CLNK: variants seen among roughly 807,000 people sequenced by gnomAD.
CLNK encodes the protein cytokine dependent hematopoietic cell linker, also known as cytokine-dependent hematopoietic cell linker.
Under a neutral mutation model 68.6 loss-of-function variants are expected in CLNK, and 74 were observed. That is an observed-to-expected ratio of 1.08 (90% confidence interval 0.89 to 1.31). CLNK has a LOEUF of 1.31. CLNK is among the 50% of genes most tolerant of loss of function. CLNK has a pLI of 0.00. For synonymous variants in CLNK, 198 were observed against 172.2 expected, an observed-to-expected ratio of 1.15 and a Z score of -1.17; for missense variants, 553 against 515.3, an observed-to-expected ratio of 1.07 and a Z score of -0.71.
At chr4:10,686,319 G>C (rs958648631), upstream of CLNK, among the ~76,000 whole-genome samples, 9 of 152,002 alleles carry the variant, frequency 5.9e-5, no homozygotes, top group African/African-American at 2.2e-4. Context: ...ATGTCAGAAG[G>C]CATTCCAAGG....
chr4:10,557,509 T>C (rs1719725261), intron 8 of CLNK, among the ~76,000 whole-genome samples: 1 of 152,196 alleles, frequency 6.6e-6, no homozygotes, highest in Non-Finnish European at 1.5e-5. Context: ...GTGCTCCTTG[T>C]AGTTTTCAGT....
At chr4:10,505,245 A>C (rs1465591280) in intron 17 of CLNK, among the ~76,000 whole-genome samples, 3 of 152,032 alleles carry the variant, frequency 2.0e-5, no homozygotes, top group Non-Finnish European at 2.9e-5. Flanking sequence ...TCAGCCAACC[A>C]CCCACGGCTC....
At chr4:10,610,926 G>A (rs1363767970) in intron 2 of CLNK, among the ~76,000 whole-genome samples, 1 of 152,192 alleles carries the variant, frequency 6.6e-6, no homozygotes, top group Non-Finnish European at 1.5e-5. Flanking sequence ...GTTCACGTCT[G>A]TAATCCCAGC....
intron 7 of CLNK, among the ~76,000 whole-genome samples, chr4:10,561,956 G>A (rs538670527): frequency 6.6e-6 from 1 of 152,112 alleles, no homozygotes; most frequent in Non-Finnish European, 1.5e-5. Context: ...TCTTACAAAG[G>A]CACCATGGTA....
Position 10,621,486 on chromosome 4 carries a change from G to C in CLNK, c.12-23437C>G, listed in dbSNP as rs540320596. 1.2e-4 allele frequency among the ~76,000 whole-genome samples: 18 copies of C among 152,286 alleles called. No individual in the cohort carries two copies. In the South Asian group the frequency reaches 3.5e-3, roughly 30 times the overall value. ...CCAGTGGGTGTCCTTTGAGTCAAGAGCATGATCTTCAATAGACTTGGGGCC... is the reference window on the plus strand; with the variant it reads ...CCAGTGGGTGTCCTTTGAGTCAAGACCATGATCTTCAATAGACTTGGGGCC... On this transcript the variant is annotated intron_variant, in intron 2 of 18. Coordinates refer to ENST00000226951, the MANE Select transcript of CLNK (RefSeq NM_052964.4).
At chr4:10,660,088 T>G (rs796461171) in intron 2 of CLNK, among the ~76,000 whole-genome samples, 1 of 152,362 alleles carries the variant, frequency 6.6e-6, no homozygotes, top group East Asian at 1.9e-4. Flanking sequence ...AATCAAATAC[T>G]ATTCTGTTAT....
intron 1 of CLNK, among the ~76,000 whole-genome samples, chr4:10,677,445 A>G (rs569589455): frequency 4.6e-5 from 7 of 152,280 alleles, no homozygotes; most frequent in African/African-American, 1.7e-4. Context: ...ACAAGACTGG[A>G]AAAGAGTAAT....
At chr4:10,640,916 C>A (rs1041995492) in intron 2 of CLNK, among the ~76,000 whole-genome samples, 7 of 152,222 alleles carry the variant, frequency 4.6e-5, no homozygotes, top group Non-Finnish European at 2.9e-5. Flanking sequence ...AGAGGCAGAC[C>A]TTTGCTATAG....
At chr4:10,536,333 G>A (rs1285978864) in intron 11 of CLNK, among the ~76,000 whole-genome samples, 3 of 152,192 alleles carry the variant, frequency 2.0e-5, no homozygotes, top group Non-Finnish European at 4.4e-5. Context: ...TGTTCCTTCT[G>A]TTTTCAGAGC....
At chr4:10,543,693 A>G (rs79680259) in intron 8 of CLNK, among the ~76,000 whole-genome samples, 2,293 of 152,374 alleles carry the variant, frequency 0.015, 56 homozygotes, top group East Asian at 0.047. Context: ...TGGTCTGTAT[A>G]ATTTTAATGG....
At chr4:10,725,204 C>T in the CLNK span, among the ~76,000 whole-genome samples, 32 of 149,456 alleles carry the variant, frequency 2.1e-4, no homozygotes, top group African/African-American at 7.9e-4. Context: ...TGAGATGTGC[C>T]TTTAAAAGGT....
At chr4:10,709,919 G>A in the CLNK span, among the ~76,000 whole-genome samples, 1 of 152,048 alleles carries the variant, frequency 6.6e-6, no homozygotes. Flanking sequence ...GATGCAGGAG[G>A]GATCCCAGCT....
intron 11 of CLNK, among the ~76,000 whole-genome samples, chr4:10,532,692 G>A (rs1356308329): frequency 6.6e-6 from 1 of 152,166 alleles, no homozygotes; most frequent in Non-Finnish European, 1.5e-5. Context: ...AAGCTGTCAG[G>A]TGCAGTGGGG....
chr4:10,564,426 G>A (rs141060692), intron 7 of CLNK, among the ~76,000 whole-genome samples: 42 of 152,304 alleles, frequency 2.8e-4, no homozygotes, highest in Middle Eastern at 6.8e-3. Flanking sequence ...AGTCCTTAGC[G>A]TGATCTCTGG....
chr4:10,700,748 T>C, the CLNK span, among the ~76,000 whole-genome samples: 78 of 152,224 alleles, frequency 5.1e-4, 2 homozygotes, highest in Non-Finnish European at 2.2e-4. Context: ...TGGGGAAAAT[T>C]ACCTATAAAA....
upstream of CLNK, among the ~76,000 whole-genome samples, chr4:10,687,635 A>G (rs2108907247): frequency 6.6e-6 from 1 of 152,286 alleles, no homozygotes; most frequent in South Asian, 2.1e-4. Flanking sequence ...AGCATAGCTC[A>G]CTAGAGGAGC....
At chr4:10,682,794 G>A (rs1211851183) in intron 1 of CLNK, among the ~76,000 whole-genome samples, 1 of 152,078 alleles carries the variant, frequency 6.6e-6, no homozygotes, top group Non-Finnish European at 1.5e-5. Context: ...TCATTAAGCT[G>A]TTAAGATCAT....
At chr4:10,505,081 G>T (rs369446440) in intron 17 of CLNK, among the ~76,000 whole-genome samples, 3 of 152,304 alleles carry the variant, frequency 2.0e-5, no homozygotes, top group East Asian at 1.9e-4. Flanking sequence ...TTCTTCCGAC[G>T]GAAAACAGGC....
chr4:10,717,837 AT>A, the CLNK span, among the ~76,000 whole-genome samples: 1 of 152,236 alleles, frequency 6.6e-6, no homozygotes, highest in African/African-American at 2.4e-5. Flanking sequence ...ACCAAGAACC[AT>A]AAAATTTCAG....
Sources: gnomAD v4.1 joint callset for allele counts (sites outside exome capture counted in the v4.1 genomes callset) on GRCh38, gnomAD v4.1.1 for gene constraint, MANE v1.5 for transcripts, NCBI Gene and HGNC (gene_info 2026-07-23, HGNC 2026-07-21) for gene names.